Variants in DOCK3 observed in about 807,000 individuals in gnomAD.
The protein encoded by DOCK3 is dedicator of cytokinesis protein 3.
Under a neutral mutation model 265.6 loss-of-function variants are expected in DOCK3, and 60 were observed. That is an observed-to-expected ratio of 0.23 (90% confidence interval 0.18 to 0.28). The LOEUF (loss-of-function observed/expected upper bound fraction) is 0.28, where lower values mean the gene tolerates loss of function less well. Ranked by LOEUF, DOCK3 falls within the 10% of genes least tolerant of loss-of-function variation. The pLI, the probability that DOCK3 is intolerant of heterozygous loss-of-function variation, is 1.00. For synonymous variants in DOCK3, 881 were observed against 938.0 expected, an observed-to-expected ratio of 0.94 and a Z score of 1.11; for missense variants, 1,981 against 2,594.3, an observed-to-expected ratio of 0.76 and a Z score of 5.14.
At chr3:50,845,522 G>T (rs1260428727) in intron 3 of DOCK3, among the ~76,000 whole-genome samples, 1 of 152,112 alleles carries the variant, frequency 6.6e-6, no homozygotes. Context: ...TTTAAGCTGG[G>T]TAAGGCATAG....
intron 38 of DOCK3, among the ~76,000 whole-genome samples, chr3:51,347,644 A>T (rs1432783680): frequency 3.3e-5 from 5 of 152,086 alleles, no homozygotes; most frequent in Non-Finnish European, 7.4e-5. Flanking sequence ...TTCCATATGA[A>T]CTTTAAAGTA....
Position 51,381,348 on chromosome 3 carries a change from G to T in DOCK3, c.5882G>T (p.Cys1961Phe). 6.2e-7 allele frequency: 1 copy of T among 1,613,272 alleles called. No homozygotes were observed. Among genetic ancestry groups the T allele is most frequent in the South Asian group, 1.1e-5 (1 of 91,084 alleles). Residue 1961 changes from cysteine to phenylalanine, a missense_variant, in exon 53 of 53, where the codon TGC becomes TTC. Around this residue, in one of 4 missense-constraint regions of DOCK3, gnomAD observed 149 missense variants for 144.7 expected, o/e 1.03. Coordinates refer to ENST00000266037, the MANE Select transcript of DOCK3 (RefSeq NM_004947.5). This position sits in a 1 kb window ranked among gnomAD's most constrained non-coding sequence, Gnocchi z 5.6. ...QPCRSHSAPG[C>F]VIPQDPMDPP... is the part of the protein sequence containing the mutation. ...TGCCGAAGCCACTCAGCCCCAGGGT[G>T]CGTCATCCCTCAGGACCCCATGGAC...
intron 5 of DOCK3, among the ~76,000 whole-genome samples, chr3:51,055,212 C>T (rs1436769423): frequency 2.0e-5 from 3 of 152,114 alleles, no homozygotes; most frequent in Non-Finnish European, 4.4e-5. Flanking sequence ...CAGGTATCAG[C>T]CTGGTTGTTA....
chr3:51,263,952 C>T (rs963541987), intron 23 of DOCK3, among the ~76,000 whole-genome samples: 3 of 152,076 alleles, frequency 2.0e-5, no homozygotes, highest in African/African-American at 7.2e-5. Flanking sequence ...ACTTAGACTC[C>T]CACAGAATAA....
intron 13 of DOCK3, among the ~76,000 whole-genome samples, chr3:51,212,909 G>A (rs969500685): frequency 4.6e-5 from 7 of 151,976 alleles, no homozygotes; most frequent in African/African-American, 9.7e-5. Flanking sequence ...CAGAAGCAAC[G>A]AGATAATTAT....
intron 49 of DOCK3, among the ~76,000 whole-genome samples, chr3:51,373,020 C>T (rs531673109): frequency 1.3e-5 from 2 of 152,262 alleles, no homozygotes; most frequent in African/African-American, 4.8e-5. Flanking sequence ...AAAGCCAGCC[C>T]TGAGGTTCTA....
chr3:51,144,260 ACTGTG>A (rs2085195409), intron 9 of DOCK3, among the ~76,000 whole-genome samples: 1 of 152,156 alleles, frequency 6.6e-6, no homozygotes, highest in Non-Finnish European at 1.5e-5. Context: ...TGTGGTCTAG[ACTGTG>A]CTTCATCATT....
chr3:51,225,531 G>GGAAT (rs1576460777), intron 14 of DOCK3, 118 bp from the exon 15 acceptor site: 2 of 1,445,886 alleles, frequency 1.4e-6, no homozygotes, highest in Non-Finnish European at 1.8e-6. Flanking sequence ...AACCAAGCTT[G>GGAAT]GAATGCCCTG....
intron 2 of DOCK3, among the ~76,000 whole-genome samples, chr3:50,837,438 G>C (rs900242534): frequency 6.6e-6 from 1 of 152,224 alleles, no homozygotes; most frequent in African/African-American, 2.4e-5. Context: ...GCAGATGAGA[G>C]AAGTGCTGAA....
intron 1 of DOCK3, among the ~76,000 whole-genome samples, chr3:50,745,913 A>T (rs1182974198): frequency 6.6e-6 from 1 of 152,124 alleles, no homozygotes; most frequent in Non-Finnish European, 1.5e-5. Context: ...GGACCAACTC[A>T]TAGAGCTTCC....
chr3:51,137,209 TG>T (rs1249559387), intron 9 of DOCK3, among the ~76,000 whole-genome samples: 1 of 152,012 alleles, frequency 6.6e-6, no homozygotes, highest in African/African-American at 2.4e-5. Flanking sequence ...AATTGGAAAA[TG>T]AATCTATGAG....
intron 38 of DOCK3, 82 bp from the exon 39 acceptor site, chr3:51,348,770 G>A: frequency 1.4e-6 from 2 of 1,389,308 alleles, no homozygotes; most frequent in Non-Finnish European, 2.0e-6. Context: ...ACCTTTTGTT[G>A]TGTGTCTTCT....
chr3:51,298,777 G>A (rs1241985381), intron 27 of DOCK3, among the ~76,000 whole-genome samples: 1 of 152,204 alleles, frequency 6.6e-6, no homozygotes, highest in Non-Finnish European at 1.5e-5. Flanking sequence ...ATTCCATGGT[G>A]TATATGTAAC....
chr3:50,740,270 TGATA>T (rs1191153708), intron 1 of DOCK3, among the ~76,000 whole-genome samples: 1 of 152,200 alleles, frequency 6.6e-6, no homozygotes, highest in South Asian at 2.1e-4. Context: ...CATTCATTGT[TGATA>T]GATATATGGA....
intron 4 of DOCK3, among the ~76,000 whole-genome samples, chr3:50,915,737 C>T (rs1304338357): frequency 6.6e-6 from 1 of 151,976 alleles, no homozygotes. Flanking sequence ...GGGTGTATAG[C>T]CACTCTGGAT....
chr3:51,230,733 T>C (rs1477505425), intron 19 of DOCK3, among the ~76,000 whole-genome samples: 1 of 152,162 alleles, frequency 6.6e-6, no homozygotes, highest in East Asian at 1.9e-4. Context: ...GCCAGGATGG[T>C]CTCGATCCCT....
At chr3:50,954,662 C>CT (rs2076682125) in intron 5 of DOCK3, among the ~76,000 whole-genome samples, 1 of 152,024 alleles carries the variant, frequency 6.6e-6, no homozygotes, top group Non-Finnish European at 1.5e-5. Flanking sequence ...CCTTTATTCA[C>CT]TTTTTAATGA....
intron 13 of DOCK3, among the ~76,000 whole-genome samples, chr3:51,209,764 C>G (rs577509156): frequency 6.6e-6 from 1 of 152,308 alleles, no homozygotes; most frequent in Admixed American, 6.5e-5. Flanking sequence ...TGAGCAGATA[C>G]TCAACTAGGA....
At chr3:50,692,039 T>A (rs2035283543) in intron 1 of DOCK3, among the ~76,000 whole-genome samples, 1 of 151,860 alleles carries the variant, frequency 6.6e-6, no homozygotes, top group Non-Finnish European at 1.5e-5. Context: ...CTCAGCCTCC[T>A]GGGTAGCTGG....
Sources: allele counts gnomAD v4.1 joint callset (sites outside exome capture counted in the v4.1 genomes callset), GRCh38; gene constraint gnomAD v4.1.1; regional missense constraint gnomAD v4.1.1; non-coding constraint Gnocchi (gnomAD v3.1); transcripts MANE v1.5; gene names NCBI Gene and HGNC (gene_info 2026-07-23, HGNC 2026-07-21).